The following PSD3 variants were observed in gnomAD, a reference collection of about 807,000 sequenced individuals.
PSD3 encodes the protein pleckstrin and Sec7 domain containing 3.
Under a neutral mutation model 105.5 loss-of-function variants are expected in PSD3, and 49 were observed. That is an observed-to-expected ratio of 0.46 (90% confidence interval 0.37 to 0.59). The LOEUF is 0.59. PSD3 is among the 20% of genes least tolerant of loss of function. PSD3 has a pLI of 0.00. For missense variants in PSD3, 1,561 were observed against 1,263.8 expected (o/e 1.24, Z -3.57); for synonymous variants, 557 against 457.8 (o/e 1.22, Z -2.77).
intron 2 of PSD3, among the ~76,000 whole-genome samples, chr8:18,880,268 A>C (rs1344946380): frequency 6.6e-6 from 1 of 152,208 alleles, no homozygotes; most frequent in Non-Finnish European, 1.5e-5. Context: ...AGGGCCTTAG[A>C]TACTTCCTAT....
At chr8:18,869,574 T>C (rs1311787324) in intron 3 of PSD3, among the ~76,000 whole-genome samples, 1 of 152,198 alleles carries the variant, frequency 6.6e-6, no homozygotes, top group African/African-American at 2.4e-5. Context: ...AAGCACACAC[T>C]AGTCAGGGAG....
chr8:18,580,527 G>A (rs139972377), intron 12 of PSD3, among the ~76,000 whole-genome samples: 1 of 152,136 alleles, frequency 6.6e-6, no homozygotes, highest in East Asian at 1.9e-4. Flanking sequence ...TCCAGCCTGG[G>A]TGAAACAGTG....
chr8:18,549,740 A>G (rs1194369988), intron 15 of PSD3, among the ~76,000 whole-genome samples: 1 of 152,196 alleles, frequency 6.6e-6, no homozygotes, highest in Non-Finnish European at 1.5e-5. Context: ...GGTGGTTTAC[A>G]TTTATTTCTA....
chr8:18,725,209 G>T (rs909502009), intron 9 of PSD3, among the ~76,000 whole-genome samples: 2 of 152,032 alleles, frequency 1.3e-5, no homozygotes, highest in Non-Finnish European at 2.9e-5. Context: ...CTAACGCGAC[G>T]CAAGCCCCCC....
intron 9 of PSD3, among the ~76,000 whole-genome samples, chr8:18,745,486 C>T (rs1278194002): frequency 6.6e-6 from 1 of 152,188 alleles, no homozygotes; most frequent in Admixed American, 6.5e-5. Flanking sequence ...GCTAGGTTGG[C>T]CTTCTGGCAC....
intron 9 of PSD3, among the ~76,000 whole-genome samples, chr8:18,693,649 C>T (rs1036160750): frequency 2.0e-5 from 3 of 152,130 alleles, no homozygotes; most frequent in Admixed American, 6.5e-5. Flanking sequence ...GGTGACAGAG[C>T]CCCCCTGTTG....
intron 14 of PSD3, among the ~76,000 whole-genome samples, chr8:18,563,712 G>A (rs1394834886): frequency 1.3e-5 from 2 of 152,062 alleles, no homozygotes; most frequent in Non-Finnish European, 2.9e-5. Context: ...TCGAAGAAAT[G>A]AATTTTTAAA....
intron 1 of PSD3, among the ~76,000 whole-genome samples, chr8:19,028,275 A>ACCC (rs1390572113): frequency 3.5e-5 from 1 of 28,392 alleles, no homozygotes; most frequent in African/African-American, 9.1e-5. Flanking sequence ...CACCTCTCAC[A>ACCC]CCACCCCCCC....
intron 4 of PSD3, among the ~76,000 whole-genome samples, chr8:18,862,237 C>G (rs549485021): frequency 1.3e-5 from 2 of 152,046 alleles, no homozygotes; most frequent in South Asian, 2.1e-4. Context: ...TCATTTTACG[C>G]TTGCAGAGGG....
chr8:18,825,992 G>A (rs960243534), intron 4 of PSD3, among the ~76,000 whole-genome samples: 2 of 152,208 alleles, frequency 1.3e-5, no homozygotes, highest in East Asian at 1.9e-4. Context: ...AGAGATGAGC[G>A]TTTGAGTGGT....
intron 1 of PSD3, among the ~76,000 whole-genome samples, chr8:19,020,577 T>A (rs879744397): frequency 6.6e-6 from 1 of 151,996 alleles, no homozygotes; most frequent in Non-Finnish European, 1.5e-5. Flanking sequence ...AGGGGTAGGA[T>A]GATCGACTTA....
intron 9 of PSD3, among the ~76,000 whole-genome samples, chr8:18,691,718 G>A (rs987775364): frequency 1.3e-5 from 2 of 152,154 alleles, no homozygotes; most frequent in African/African-American, 4.8e-5. Context: ...CTAACATCTA[G>A]TGTCAACTCA....
chr8:18,567,261 T>G (rs943052206), intron 14 of PSD3, among the ~76,000 whole-genome samples: 22 of 12,234 alleles, frequency 1.8e-3, no homozygotes, highest in Non-Finnish European at 1.4e-3. Flanking sequence ...AAACTCAATT[T>G]TGGAAGGTTT....
chr8:18,529,875 A>C lies in PSD3; in HGVS notation c.*5868T>G, dbSNP rs1253406393. ...TCTTAGAAGGAAATACTCTCGCAAAACTAAGACCCTGCCAATCATTCACAG... is the reference window on the plus strand; with the variant it reads ...TCTTAGAAGGAAATACTCTCGCAAACCTAAGACCCTGCCAATCATTCACAG... On this transcript the variant is annotated 3_prime_UTR_variant, in exon 16 of 16. Transcript: ENST00000327040. 6.6e-6 allele frequency: 1 copy of C among 152,460 alleles called. No individual in the cohort carries two copies. Among genetic ancestry groups the C allele is most frequent in the African/African-American group, 2.4e-5 (1 of 41,438 alleles). The allele number at this position is 152,460 out of a possible 1,614,324, so 9.4% of individuals were successfully genotyped here. A position where few individuals can be genotyped will look rare whatever the true frequency, so the allele number is the denominator to read the frequency against.
intron 8 of PSD3, among the ~76,000 whole-genome samples, chr8:18,789,470 T>C (rs1452799447): frequency 6.6e-6 from 1 of 152,190 alleles, no homozygotes; most frequent in African/African-American, 2.4e-5. Context: ...TTTTAATGAT[T>C]TAATGCAATT....
intron 1 of PSD3, among the ~76,000 whole-genome samples, chr8:19,021,333 T>C (rs937550246): frequency 6.6e-6 from 1 of 152,200 alleles, no homozygotes; most frequent in Non-Finnish European, 1.5e-5. Context: ...TGTTCTATTA[T>C]TTTCAGGAAG....
intron 10 of PSD3, among the ~76,000 whole-genome samples, chr8:18,642,482 T>C (rs1036291522): frequency 2.6e-5 from 4 of 152,126 alleles, no homozygotes; most frequent in Admixed American, 6.6e-5. Flanking sequence ...TCATCAAACA[T>C]CAAGCACTTA....
At chr8:18,835,946 G>T (rs746635069) in intron 4 of PSD3, among the ~76,000 whole-genome samples, 3 of 152,028 alleles carry the variant, frequency 2.0e-5, no homozygotes, top group Non-Finnish European at 4.4e-5. Context: ...TCTGAGATAA[G>T]TCAACAAATT....
intron 2 of PSD3, among the ~76,000 whole-genome samples, chr8:18,905,385 G>A (rs183090200): frequency 3.3e-4 from 50 of 152,176 alleles, no homozygotes; most frequent in African/African-American, 1.0e-3. Context: ...GTGCAGTGGC[G>A]CGATCTCAGC....
Sources: gnomAD v4.1 joint callset for allele counts (sites outside exome capture counted in the v4.1 genomes callset) on GRCh38, gnomAD v4.1.1 for gene constraint, MANE v1.5 for transcripts, NCBI Gene and HGNC (gene_info 2026-07-23, HGNC 2026-07-21) for gene names.